The following RAD50 variants were observed in gnomAD, a reference collection of about 807,000 sequenced individuals.
The protein encoded by RAD50 is DNA repair protein RAD50.
RAD50 carries 132 observed loss-of-function variants against 168.8 expected under a neutral mutation model. That is an observed-to-expected ratio of 0.78 (90% CI 0.68 to 0.90). The LOEUF is 0.90. RAD50 is among the 40% of genes least tolerant of loss of function. The pLI is 0.00. For synonymous variants in RAD50, 525 were observed against 497.4 expected (o/e 1.06, Z -0.74); for missense variants, 1,347 against 1,534.4 (o/e 0.88, Z 2.04).
chr5:132,603,352 C>A lies in RAD50; in HGVS notation c.2260C>A (p.Leu754Met), dbSNP rs756003599. ...EKEIPELRNK[L>M]QNVNRDIQRL... ...GGAAATACCAGAATTAAGAAACAAA[C>A]TGCAGAATGTCAATAGAGACATACA... Residue 754 changes from leucine (L) to methionine (M), a missense_variant, in exon 14 of 25, where the codon CTG (leucine) becomes ATG (methionine). By Grantham distance (15) the Leu-to-Met change is conservative. Around this residue, in one of 3 missense-constraint regions of RAD50, gnomAD observed 635 missense variants for 739.2 expected, o/e 0.86. Coordinates refer to ENST00000378823, the MANE Select transcript of RAD50 (RefSeq NM_005732.4). 8.7e-6 allele frequency: 14 copies of A among 1,613,726 alleles called. No homozygotes were observed. Among genetic ancestry groups the A allele is most frequent in the Non-Finnish European group, 1.2e-5 (14 of 1,179,756 alleles).
At position 132,557,435 on chromosome 5, in the gene RAD50, C is replaced by A. The variant is rs762329874; in HGVS notation, c.111C>A (p.Pro37=). The A allele has an allele frequency of 6.2e-7, 1 of 1,614,164 alleles. No individual in the cohort carries two copies. The highest frequency in any genetic ancestry group is 1.1e-5 in the South Asian group (1 of 91,086). The change falls in exon 1 of 25, where the codon CCC becomes CCA. Residue 37 remains proline, a synonymous_variant. Coordinates refer to ENST00000378823, the MANE Select transcript of RAD50 (RefSeq NM_005732.4). ...GCCCCCTTACAATTTTGGTTGGACCCAATGGGGCGGGAAAGACGGTAAGTC... is the reference window on the plus strand; with the variant it reads ...GCCCCCTTACAATTTTGGTTGGACCAAATGGGGCGGGAAAGACGGTAAGTC... ...FFSPLTILVG[P]NGAGKTTIIE...
intron 16 of RAD50, among the ~76,000 whole-genome samples, chr5:132,608,140 T>C (rs184397274): frequency 9.8e-5 from 15 of 152,356 alleles, no homozygotes; most frequent in Non-Finnish European, 2.1e-4. Flanking sequence ...AGAAGTGTTT[T>C]TACCATCATG....
At chr5:132,625,392 T>C (rs1751356883) in intron 21 of RAD50, among the ~76,000 whole-genome samples, 1 of 152,086 alleles carries the variant, frequency 6.6e-6, no homozygotes, top group African/African-American at 2.4e-5. Context: ...GGCCGAATTC[T>C]TTTTTTTAAA....
chr5:132,604,418 A>G (rs1307487405), intron 15 of RAD50, among the ~76,000 whole-genome samples: 1 of 151,946 alleles, frequency 6.6e-6, no homozygotes, highest in Non-Finnish European at 1.5e-5. Flanking sequence ...GGCACACATC[A>G]CTATGCCCAG....
rs552590586 is a variant in RAD50, at chr5:132,587,273, C to A, written c.757-289C>A. On this transcript the variant is annotated intron_variant, in intron 5 of 24. Coordinates refer to ENST00000378823, the MANE Select transcript of RAD50 (RefSeq NM_005732.4). ...TAAGGATTAAGTAACTCTAAATGCC[C>A]AATGAATGAATAATGACTTTTGTGG... Among the ~76,000 whole-genome samples the A allele has an allele frequency of 1.8e-3, 267 of 152,198 alleles. 1 individual carries two copies. The highest frequency in any genetic ancestry group is 6.2e-3 in the African/African-American group (257 of 41,522).
intron 21 of RAD50, among the ~76,000 whole-genome samples, chr5:132,628,000 G>T (rs1466786365): frequency 6.6e-6 from 1 of 152,208 alleles, no homozygotes; most frequent in South Asian, 2.1e-4. Flanking sequence ...ATAACCAAAG[G>T]TTGCTCCTAC....
intron 21 of RAD50, among the ~76,000 whole-genome samples, chr5:132,624,885 A>AAAG (rs1257397905): frequency 1.3e-5 from 2 of 151,790 alleles, no homozygotes; most frequent in African/African-American, 4.8e-5. Context: ...AAAAAAAAAA[A>AAAG]AAAAAAAATC....
intron 20 of RAD50, 135 bp from the exon 21 acceptor site, chr5:132,617,935 G>C (rs1485162619): frequency 1.3e-6 from 1 of 780,642 alleles, no homozygotes; most frequent in Middle Eastern, 3.8e-4. Context: ...TAATAAGCAA[G>C]GAGAGACTCT....
In RAD50 at chr5:132,637,210, A is replaced by G. The variant is rs754465293; in HGVS notation, c.3475+10A>G. The G allele has an allele frequency of 1.2e-6, 2 of 1,609,558 alleles. No homozygotes were observed. Among genetic ancestry groups the G allele is most frequent in the Non-Finnish European group, 1.7e-6 (2 of 1,177,230 alleles). On this transcript the variant is annotated intron_variant, in intron 22 of 24. Transcript: ENST00000378823. ...ACCTATCGTGGACAAGGTGAGTACC[A>G]TGGTGTATCACAAATGCTCTTTCCA...
chr5:132,628,860 G>A (rs1344597677), intron 21 of RAD50, among the ~76,000 whole-genome samples: 3 of 151,636 alleles, frequency 2.0e-5, no homozygotes, highest in Non-Finnish European at 2.9e-5. Flanking sequence ...AAAAAAAAAA[G>A]AAAAAGAAAT....
intron 6 of RAD50, 31 bp downstream of exon 6, chr5:132,587,721 A>G: frequency 6.2e-7 from 1 of 1,613,142 alleles, no homozygotes; most frequent in Non-Finnish European, 8.5e-7. Context: ...GTTCTGCTTC[A>G]AAATTTTGGG....
intron 2 of RAD50, among the ~76,000 whole-genome samples, chr5:132,570,513 C>T (rs1418759539): frequency 2.6e-5 from 4 of 152,242 alleles, no homozygotes; most frequent in South Asian, 2.1e-4. Context: ...TGCTTCACCT[C>T]GCACTTTTAT....
Position 132,578,524 on chromosome 5 carries a change from CTTTTT to C in RAD50, c.366-773_366-769del, listed in dbSNP as rs903882684. Among the ~76,000 whole-genome samples the C allele has an allele frequency of 8.2e-4, 69 of 84,344 alleles. 1 individual carries two copies. The highest frequency in any genetic ancestry group is 2.6e-3 in the Admixed American group (19 of 7,372). The allele number at this position is 84,344 out of a possible 152,430, so 55.3% of individuals were successfully genotyped here. On this transcript the variant is annotated intron_variant, in intron 3 of 24. Transcript: ENST00000378823. Reference sequence around the variant, plus strand: ...ATTCAGTATAATATTTTTTTTCTTTCTTTTTTTTTTTTTTTTTTTTTTTTGAGACA... The same window carrying C: ...ATTCAGTATAATATTTTTTTTCTTTCTTTTTTTTTTTTTTTTTTTGAGACA...
chr5:132,578,109 A>G (rs2522412), intron 3 of RAD50, among the ~76,000 whole-genome samples: 9,191 of 152,144 alleles, frequency 0.06, 827 homozygotes, highest in African/African-American at 0.2. Context: ...CACCGCGCCC[A>G]GCCCCATCTC....
At position 132,582,849 on chromosome 5, in the gene RAD50, TG is replaced by T. The variant is rs1750526766; in HGVS notation, c.756+2787del. Among the ~76,000 whole-genome samples the T allele has an allele frequency of 2.6e-5, 4 of 152,128 alleles. No homozygotes were observed. The South Asian group carries it at 8.3e-4, about 31-fold the overall frequency. The stretch of plus-strand genomic sequence containing the variant: ...AGCTCCTTTTACTAGGTGTGTACTC[TG>T]GGGATAGAACCTATGTTTTGTGCTC... On this transcript the variant is annotated intron_variant, in intron 5 of 24. Transcript: ENST00000378823.
intron 3 of RAD50, among the ~76,000 whole-genome samples, chr5:132,576,310 C>A (rs1052001231): frequency 3.9e-5 from 6 of 152,088 alleles, no homozygotes; most frequent in African/African-American, 1.4e-4. Context: ...GTAAAAAATT[C>A]TAGTGTCATG....
At chr5:132,621,462 A>G (rs761242138) in intron 21 of RAD50, among the ~76,000 whole-genome samples, 4 of 152,160 alleles carry the variant, frequency 2.6e-5, no homozygotes, top group African/African-American at 9.7e-5. Context: ...ATAAGCCCGC[A>G]TGTTTCCCAA....
intron 9 of RAD50, among the ~76,000 whole-genome samples, chr5:132,590,197 C>T (rs1205407733): frequency 2.0e-5 from 3 of 152,168 alleles, no homozygotes; most frequent in Admixed American, 1.3e-4. Context: ...AGGCCGGGTG[C>T]GGTGTCTCAC....
At chr5:132,626,278 C>T (rs62383758) in intron 21 of RAD50, among the ~76,000 whole-genome samples, 27,597 of 152,096 alleles carry the variant, frequency 0.18, 2,706 homozygotes, top group South Asian at 0.23. Flanking sequence ...GATATCTCCT[C>T]AACCTAATGA....
Sources: allele counts gnomAD v4.1 joint callset (sites outside exome capture counted in the v4.1 genomes callset), GRCh38; gene constraint gnomAD v4.1.1; regional missense constraint gnomAD v4.1.1; transcripts MANE v1.5; gene names NCBI Gene and HGNC (gene_info 2026-07-23, HGNC 2026-07-21).